R3HDM1: variants seen among roughly 807,000 people sequenced by gnomAD.
The protein encoded by R3HDM1 is R3H domain containing 1.
In R3HDM1, 46 loss-of-function variants were observed where a neutral mutation model predicts 141.1. The ratio of observed to expected loss-of-function variants is 0.33; its 90% CI spans 0.26 to 0.42. R3HDM1 has a LOEUF of 0.42. R3HDM1 is among the 10% of genes least tolerant of loss of function. R3HDM1 has a pLI of 1.00. For missense variants in R3HDM1, 1,184 were observed against 1,368.3 expected (o/e 0.87, Z 2.12); for synonymous variants, 435 against 472.9 (o/e 0.92, Z 1.04).
At chr2:135,648,683 A>G (rs2064760489) in intron 16 of R3HDM1, among the ~76,000 whole-genome samples, 1 of 151,992 alleles carries the variant, frequency 6.6e-6, no homozygotes, top group African/African-American at 2.4e-5. Flanking sequence ...CGTTTTTGTA[A>G]TAAACAGTAT....
chr2:135,665,383 A>G (rs1355162649), intron 19 of R3HDM1: 1 of 524,808 alleles, frequency 1.9e-6, no homozygotes, highest in Admixed American at 1.9e-5. Flanking sequence ...TTTTGCAATA[A>G]TTGGCCTTGT....
chr2:135,724,113 C>G lies in R3HDM1; in HGVS notation c.3226C>G (p.Pro1076Ala), dbSNP rs116105123. ...CCGSGDNTAN[P>A]ERSKPSDLAS... ...TGGCAGTGGGGACAACACTGCCAAC[C>G]CTGAACGCTCTAAACCCAGTGACTT... Residue 1076 changes from proline to alanine, a missense_variant, in exon 27 of 27, where the codon CCT becomes GCT. Pro to Ala is a conservative substitution (Grantham distance 27, BLOSUM62 -1). This residue lies in a region of R3HDM1 where 182 missense variants were observed against 252.6 expected (regional missense o/e 0.72). Coordinates refer to ENST00000683871, the MANE Select transcript of R3HDM1 (RefSeq NM_001378107.1). The G allele has an allele frequency of 1.0e-4, 165 of 1,614,034 alleles. No individual in the cohort carries two copies. Among genetic ancestry groups the G allele is most frequent in the Non-Finnish European group, 1.3e-4 (155 of 1,180,040 alleles).
At chr2:135,584,249 A>G in intron 1 of R3HDM1, 1 of 543,342 alleles carries the variant, frequency 1.8e-6, no homozygotes. Flanking sequence ...GATCGCTTGA[A>G]CCTGGGAGGC....
chr2:135,669,349 T>C (rs996953925), intron 19 of R3HDM1: 1 of 985,308 alleles, frequency 1.0e-6, no homozygotes, highest in African/African-American at 1.7e-5. Flanking sequence ...AAATTTTCAC[T>C]CTGATTCCTA....
In R3HDM1 at chr2:135,679,066, CTTTTTT is replaced by C. The variant is rs141175748; in HGVS notation, c.2308-1083_2308-1078del. Reference sequence around the variant, plus strand: ...GAGCCACTGTGCCCAGCCCGGCTTTCTTTTTTTTTTTTTTTTTTTTTTTTTTTTTAA... The same window carrying C: ...GAGCCACTGTGCCCAGCCCGGCTTTCTTTTTTTTTTTTTTTTTTTTTTTAA... On this transcript the variant is annotated intron_variant, in intron 20 of 26. Coordinates refer to ENST00000683871, the MANE Select transcript of R3HDM1 (RefSeq NM_001378107.1). 1.3e-3 allele frequency among the ~76,000 whole-genome samples: 91 copies of C among 70,580 alleles called. 2 individuals carry two copies. The East Asian group carries it at 0.04, about 31-fold the overall frequency. The allele number at this position is 70,580 out of a possible 152,430, so 46.3% of individuals were successfully genotyped here.
At chr2:135,560,109 A>G (rs536398125) in intron 1 of R3HDM1, among the ~76,000 whole-genome samples, 1 of 152,320 alleles carries the variant, frequency 6.6e-6, no homozygotes, top group African/African-American at 2.4e-5. Context: ...TGGCGCATGT[A>G]TATATTATTC....
rs141539490 is a variant in R3HDM1, at chr2:135,724,249, A to G, written c.3362A>G (p.Lys1121Arg). The G allele has an allele frequency of 1.4e-5, 23 of 1,613,732 alleles. No individual in the cohort carries two copies. The African/African-American group carries it at 2.8e-4, about 20-fold the overall frequency. ...VNKFKLRTSK[K>R]HYDFHILERA... ...AAGTTTAAGCTGAGAACAAGCAAGA[A>G]GCACTATGACTTTCACATTTTGGAA... Residue 1121 changes from lysine to arginine, a missense_variant, in exon 27 of 27, where the codon AAG (lysine) becomes AGG (arginine). Lys to Arg is a conservative substitution (Grantham distance 26). Coordinates refer to ENST00000683871, the MANE Select transcript of R3HDM1 (RefSeq NM_001378107.1).
chr2:135,718,230 ATGTTCTTT>A, intron 24 of R3HDM1, among the ~76,000 whole-genome samples: 1 of 152,140 alleles, frequency 6.6e-6, no homozygotes, highest in African/African-American at 2.4e-5. Flanking sequence ...AGGGATGGAA[ATGTTCTTT>A]AAGGGGGTGG....
At chr2:135,548,726 A>T (rs1699253536) in intron 1 of R3HDM1, among the ~76,000 whole-genome samples, 1 of 152,186 alleles carries the variant, frequency 6.6e-6, no homozygotes, top group South Asian at 2.1e-4. Context: ...TTTCAGATTT[A>T]TCCATTTTTG....
At chr2:135,561,624 G>A (rs147465593) in intron 1 of R3HDM1, among the ~76,000 whole-genome samples, 10 of 151,992 alleles carry the variant, frequency 6.6e-5, no homozygotes, top group Admixed American at 2.6e-4. Flanking sequence ...AGGCTCAGTT[G>A]GAAGCATCAC....
rs1297525660 is a variant in R3HDM1, at chr2:135,631,900, T to C, written c.597T>C (p.His199=). Residue 199 remains histidine, a synonymous_variant, in exon 9 of 27, where the codon CAT becomes CAC. Coordinates refer to ENST00000683871, the MANE Select transcript of R3HDM1 (RefSeq NM_001378107.1). ...RKKFPPMTSY[H]RMLLHRVAAY... Reference sequence around the variant, plus strand: ...AATTCCCCCCAATGACATCTTACCATAGGATGCTATTACACAGAGTAGCCG... The same window carrying C: ...AATTCCCCCCAATGACATCTTACCACAGGATGCTATTACACAGAGTAGCCG... 6.2e-7 allele frequency: 1 copy of C among 1,612,154 alleles called. No individual in the cohort carries two copies. The highest frequency in any genetic ancestry group is 1.1e-5 in the South Asian group (1 of 90,862).
At chr2:135,608,911 T>C (rs2060297811) in intron 3 of R3HDM1, among the ~76,000 whole-genome samples, 1 of 152,164 alleles carries the variant, frequency 6.6e-6, no homozygotes, top group Non-Finnish European at 1.5e-5. Flanking sequence ...ATATTTAAAG[T>C]GATTAAAGGA....
intron 18 of R3HDM1, chr2:135,656,643 T>C (rs1015741908): frequency 6.6e-6 from 1 of 152,328 alleles, no homozygotes; most frequent in East Asian, 1.9e-4. Context: ...TATCAAAATC[T>C]ACTTCAAGTT....
chr2:135,661,918 T>C (rs2066772847), intron 19 of R3HDM1, among the ~76,000 whole-genome samples: 1 of 152,250 alleles, frequency 6.6e-6, no homozygotes, highest in South Asian at 2.1e-4. Context: ...AAAGTATTTT[T>C]AAACCAAATA....
At chr2:135,639,254 C>A (rs1217907218) in intron 14 of R3HDM1, 132 bp downstream of exon 14, 3 of 792,160 alleles carry the variant, frequency 3.8e-6, no homozygotes, top group Non-Finnish European at 4.0e-6. Flanking sequence ...TTGACCACCT[C>A]CGGAGCACTT....
Position 135,641,536 on chromosome 2 carries a change from G to A in R3HDM1, c.1220G>A (p.Gly407Asp), listed in dbSNP as rs964278005. ...ATATTTTTCATTACTCCTCTTCTAG[G>A]TTCTGAGTCTTCTGGTAGTGTAGGG... Reference protein sequence around the residue: ...SKSIGRLSKTGSESSGSVGSS... With the variant: ...SKSIGRLSKTDSESSGSVGSS... The change falls in exon 15 of 27, where the codon GGT becomes GAT. Residue 407 changes from glycine to aspartate, a missense_variant and splice_region_variant. Around this residue, in one of 5 missense-constraint regions of R3HDM1, gnomAD observed 240 missense variants for 312.3 expected, o/e 0.77. Coordinates refer to ENST00000683871, the MANE Select transcript of R3HDM1 (RefSeq NM_001378107.1). 7 of 1,604,032 alleles carry A rather than the reference G, an allele frequency of 4.4e-6. No individual in the cohort carries two copies. The highest frequency in any genetic ancestry group is 1.3e-5 in the African/African-American group (1 of 74,116).
chr2:135,705,478 A>G (rs1435659916), intron 21 of R3HDM1, among the ~76,000 whole-genome samples: 1 of 152,118 alleles, frequency 6.6e-6, no homozygotes, highest in Non-Finnish European at 1.5e-5. Flanking sequence ...AATATCAAGC[A>G]TTGATATTGC....
chr2:135,657,565 G>A, intron 18 of R3HDM1, among the ~76,000 whole-genome samples: 1 of 152,128 alleles, frequency 6.6e-6, no homozygotes, highest in East Asian at 1.9e-4. Flanking sequence ...CGGTAAACTT[G>A]AGTGATTCTT....
chr2:135,577,633 C>A (rs925732599), intron 1 of R3HDM1, among the ~76,000 whole-genome samples: 1 of 151,694 alleles, frequency 6.6e-6, no homozygotes. Context: ...GTTTCTCAAC[C>A]TCGAGACCAG....
Sources: allele counts gnomAD v4.1 joint callset (sites outside exome capture counted in the v4.1 genomes callset), GRCh38; gene constraint gnomAD v4.1.1; regional missense constraint gnomAD v4.1.1; transcripts MANE v1.5; gene names NCBI Gene and HGNC (gene_info 2026-07-23, HGNC 2026-07-21).